Variants in GFRA1 observed in about 807,000 individuals in gnomAD.
GFRA1 encodes GDNF family receptor alpha-1.
Under a neutral mutation model 51.6 loss-of-function variants are expected in GFRA1, and 16 were observed. The observed-to-expected ratio is 0.31, with a 90% CI of 0.21 to 0.47. The LOEUF (loss-of-function observed/expected upper bound fraction) is 0.47. Among genes scored for constraint, GFRA1 ranks in the 20% least tolerant of loss-of-function variants. The pLI, the probability that GFRA1 is intolerant of heterozygous loss-of-function variation, is 1.00. For missense variants in GFRA1, 530 were observed against 594.3 expected, an observed-to-expected ratio of 0.89 and a Z score of 1.13; for synonymous variants, 270 against 241.3, an observed-to-expected ratio of 1.12 and a Z score of -1.10.
intron 4 of GFRA1, among the ~76,000 whole-genome samples, chr10:116,258,977 A>T (rs1430608108): frequency 6.6e-6 from 1 of 152,202 alleles, no homozygotes; most frequent in Non-Finnish European, 1.5e-5. Flanking sequence ...AGAAGAATAT[A>T]TATAGTGGTT....
chr10:116,236,444 G>C (rs945808046), intron 4 of GFRA1, among the ~76,000 whole-genome samples: 1 of 152,008 alleles, frequency 6.6e-6, no homozygotes, highest in Non-Finnish European at 1.5e-5. Flanking sequence ...AAATCACCCA[G>C]AAAGAACAAA....
intron 5 of GFRA1, among the ~76,000 whole-genome samples, chr10:116,155,945 G>A (rs1005891328): frequency 2.6e-5 from 4 of 152,190 alleles, no homozygotes; most frequent in Non-Finnish European, 5.9e-5. Flanking sequence ...AAAAGCAAAC[G>A]CTAGAAAACA....
intron 5 of GFRA1, among the ~76,000 whole-genome samples, chr10:116,200,766 G>A (rs1470016426): frequency 6.6e-6 from 1 of 152,198 alleles, no homozygotes; most frequent in African/African-American, 2.4e-5. Context: ...TCTACCCTAT[G>A]ACCTAATTAT....
chr10:116,143,573 C>T (rs185532651), intron 5 of GFRA1, among the ~76,000 whole-genome samples: 110 of 152,186 alleles, frequency 7.2e-4, no homozygotes, highest in African/African-American at 2.3e-3. Flanking sequence ...CCATACGTTG[C>T]AACTGCTACC....
At chr10:116,195,651 T>G (rs2420249) in intron 5 of GFRA1, among the ~76,000 whole-genome samples, 57,316 of 152,076 alleles carry the variant, frequency 0.38, 10,867 homozygotes, top group East Asian at 0.49. Context: ...TAACAGGCCA[T>G]GGACCAGTAC....
At position 116,060,281 on chromosome 10, in the gene GFRA1, C is replaced by G. The variant is rs542926347; in HGVS notation, c.*4117G>C. 4.3e-4 allele frequency: 66 copies of G among 152,264 alleles called. No homozygotes were observed. Among genetic ancestry groups the G allele is most frequent in the African/African-American group, 1.5e-3 (62 of 41,558 alleles). 9.4% of individuals were successfully genotyped at this position (152,264 alleles called of 1,614,324 possible). A position where few individuals can be genotyped will look rare whatever the true frequency, so the allele number is the denominator to read the frequency against. ...TCTTAGGGATGAGAGAAAAATGTAG[C>G]TTCTAAGGGTATCCAACCAAATCCC... On this transcript the variant is annotated 3_prime_UTR_variant, in exon 11 of 11. Coordinates refer to ENST00000355422, the MANE Select transcript of GFRA1 (RefSeq NM_005264.8).
At chr10:116,147,386 A>G (rs912777659) in intron 5 of GFRA1, among the ~76,000 whole-genome samples, 1 of 152,088 alleles carries the variant, frequency 6.6e-6, no homozygotes, top group Non-Finnish European at 1.5e-5. Context: ...CATCTGCACA[A>G]TTGGTTGGAG....
chr10:116,096,799 G>A, intron 6 of GFRA1, 35 bp from the exon 7 acceptor site: 1 of 1,211,846 alleles, frequency 8.3e-7, no homozygotes, highest in Non-Finnish European at 1.2e-6. Context: ...GGGTGGAAAT[G>A]TGCTTTAAAA....
At chr10:116,072,116 T>C (rs1326687177) in intron 9 of GFRA1, among the ~76,000 whole-genome samples, 1 of 152,164 alleles carries the variant, frequency 6.6e-6, no homozygotes, top group East Asian at 1.9e-4. Flanking sequence ...ATATTCAACT[T>C]AGTTTGCATT....
Position 116,125,570 on chromosome 10 carries a change from A to T in GFRA1, c.434-13T>A. 6.2e-7 allele frequency: 1 copy of T among 1,602,366 alleles called. No individual in the cohort carries two copies. Among genetic ancestry groups the T allele is most frequent in the Non-Finnish European group, 8.5e-7 (1 of 1,171,570 alleles). On this transcript the variant is annotated splice_polypyrimidine_tract_variant and intron_variant, in intron 5 of 10. Transcript: ENST00000355422. ...GGAATGTGCTCCACTGCAAATGCAG[A>T]GAAAGACAGGCATGGTCACAGTGCT...
chr10:116,171,254 C>T lies in GFRA1; in HGVS notation c.433+40377G>A, dbSNP rs982002860. 2.6e-5 allele frequency among the ~76,000 whole-genome samples: 4 copies of T among 152,068 alleles called. No homozygotes were observed. In the South Asian group the frequency reaches 6.2e-4, roughly 24 times the overall value. ...AAAGGGTTAATTATGCATTTATTTC[C>T]GACGTAGGTACATGAGATCAGGCTC... On this transcript the variant is annotated intron_variant, in intron 5 of 10. Transcript: ENST00000355422.
At chr10:116,097,125 C>G (rs1164828477) in intron 6 of GFRA1, among the ~76,000 whole-genome samples, 1 of 90,370 alleles carries the variant, frequency 1.1e-5, no homozygotes, top group African/African-American at 4.3e-5. Context: ...ATATGCTTCT[C>G]CACACACTCA....
intron 5 of GFRA1, among the ~76,000 whole-genome samples, chr10:116,152,535 G>A (rs1169311031): frequency 1.3e-5 from 2 of 152,164 alleles, no homozygotes; most frequent in African/African-American, 4.8e-5. Context: ...TGTGTACTGA[G>A]TGACAACTCA....
At chr10:116,074,087 C>T (rs78143079) in intron 9 of GFRA1, among the ~76,000 whole-genome samples, 5,061 of 152,186 alleles carry the variant, frequency 0.033, 271 homozygotes, top group African/African-American at 0.12. Context: ...AGCCTTCACC[C>T]GATGATGATC....
At chr10:116,093,413 A>T (rs892877348) in intron 8 of GFRA1, among the ~76,000 whole-genome samples, 1 of 152,190 alleles carries the variant, frequency 6.6e-6, no homozygotes. Flanking sequence ...TAGTTATTTG[A>T]ATCTCTTGCT....
At chr10:116,157,707 C>T (rs1282147917) in intron 5 of GFRA1, among the ~76,000 whole-genome samples, 2 of 152,212 alleles carry the variant, frequency 1.3e-5, no homozygotes, top group Admixed American at 1.3e-4. Flanking sequence ...TGGTACTTGT[C>T]ACAGTATCTG....
intron 5 of GFRA1, among the ~76,000 whole-genome samples, chr10:116,141,267 G>A (rs1197462352): frequency 6.6e-6 from 1 of 152,320 alleles, no homozygotes; most frequent in African/African-American, 2.4e-5. Flanking sequence ...ATGTTTAAAT[G>A]TGGGTCTCGG....
intron 8 of GFRA1, 28 bp downstream of exon 8, chr10:116,093,674 C>T: frequency 1.9e-6 from 3 of 1,608,720 alleles, no homozygotes; most frequent in Non-Finnish European, 1.7e-6. Flanking sequence ...GCGTTTGCTC[C>T]TTTGTTTCTT....
At chr10:116,143,656 T>TTCTC (rs3837365) in intron 5 of GFRA1, among the ~76,000 whole-genome samples, 74 of 150,030 alleles carry the variant, frequency 4.9e-4, no homozygotes, top group Non-Finnish European at 4.8e-4. Context: ...GTTTCATTCA[T>TTCTC]TCTCTCTCTC....
Sources: gnomAD v4.1 joint callset for allele counts (sites outside exome capture counted in the v4.1 genomes callset) on GRCh38, gnomAD v4.1.1 for gene constraint, MANE v1.5 for transcripts, NCBI Gene and HGNC (gene_info 2026-07-23, HGNC 2026-07-21) for gene names.